Variants in IMMP2L observed in about 807,000 individuals in gnomAD.
IMMP2L encodes the protein inner mitochondrial membrane peptidase subunit 2.
IMMP2L carries 18 observed loss-of-function variants against 19.3 expected under a neutral mutation model. The ratio of observed to expected loss-of-function variants is 0.93; its 90% CI spans 0.64 to 1.38. The LOEUF (loss-of-function observed/expected upper bound fraction) is 1.38, where lower values mean the gene tolerates loss of function less well. IMMP2L is among the 40% of genes most tolerant of loss of function. IMMP2L has a pLI of 0.00. For synonymous variants in IMMP2L, 76 were observed against 73.0 expected (o/e 1.04, Z -0.21); for missense variants, 233 against 218.2 (o/e 1.07, Z -0.43).
chr7:111,434,524 T>C (rs560355530), intron 3 of IMMP2L, among the ~76,000 whole-genome samples: 5 of 151,600 alleles, frequency 3.3e-5, no homozygotes, highest in African/African-American at 7.3e-5. Flanking sequence ...TTTTGTTTTT[T>C]TGTCTTGTTT....
chr7:110,951,563 A>G lies in IMMP2L; in HGVS notation c.305+11937T>C, dbSNP rs1017656067. On this transcript the variant is annotated intron_variant, in intron 4 of 5. Transcript: ENST00000405709. ...GGTGTGTGTGTGTGTGTGTGTGTGT[A>G]TGTGTGTGTGTGTATACATATATAT... Among the ~76,000 whole-genome samples, 600 of 137,908 alleles carry G rather than the reference A, an allele frequency of 4.4e-3. 3 individuals are homozygous for G. Among genetic ancestry groups the G allele is most frequent in the African/African-American group, 0.015 (546 of 37,384 alleles). The allele number at this position is 137,908 out of a possible 152,430, so 90.5% of individuals were successfully genotyped here.
chr7:111,105,924 A>C (rs1407856257), intron 3 of IMMP2L, among the ~76,000 whole-genome samples: 1 of 151,942 alleles, frequency 6.6e-6, no homozygotes, highest in Non-Finnish European at 1.5e-5. Flanking sequence ...TCTACGCATG[A>C]CACTCCCAGG....
At chr7:111,226,306 A>G (rs1813092037) in intron 3 of IMMP2L, among the ~76,000 whole-genome samples, 1 of 151,926 alleles carries the variant, frequency 6.6e-6, no homozygotes, top group South Asian at 2.1e-4. Context: ...GCCATGTGCC[A>G]CCATGCCCAG....
intron 3 of IMMP2L, among the ~76,000 whole-genome samples, chr7:111,284,833 A>G (rs1020960718): frequency 6.6e-6 from 1 of 152,214 alleles, no homozygotes; most frequent in East Asian, 1.9e-4. Context: ...ATGGTGGACA[A>G]AAAGTTGCAA....
At chr7:111,520,889 G>C (rs191796734) in intron 2 of IMMP2L, among the ~76,000 whole-genome samples, 4 of 152,084 alleles carry the variant, frequency 2.6e-5, no homozygotes, top group Non-Finnish European at 4.4e-5. Context: ...GGGATCAATG[G>C]TCTAGACATT....
At chr7:110,864,957 C>T (rs534408233) in intron 5 of IMMP2L, among the ~76,000 whole-genome samples, 11 of 152,086 alleles carry the variant, frequency 7.2e-5, no homozygotes, top group African/African-American at 2.6e-4. Flanking sequence ...AGTGGCTATG[C>T]TCCATTCCAT....
chr7:111,396,626 C>T (rs1178155249), intron 3 of IMMP2L, among the ~76,000 whole-genome samples: 2 of 151,872 alleles, frequency 1.3e-5, no homozygotes, highest in African/African-American at 4.8e-5. Flanking sequence ...TTTAACAAAC[C>T]CGTACGTTTT....
intron 3 of IMMP2L, among the ~76,000 whole-genome samples, chr7:110,969,985 C>T (rs17158197): frequency 0.092 from 14,067 of 152,112 alleles, 967 homozygotes; most frequent in African/African-American, 0.19. Flanking sequence ...CTTTAAAGAA[C>T]TGAACTGTTG....
At chr7:110,712,248 G>A (rs1794923765) in intron 5 of IMMP2L, among the ~76,000 whole-genome samples, 1 of 124,898 alleles carries the variant, frequency 8.0e-6, no homozygotes, top group African/African-American at 3.0e-5. Flanking sequence ...CTCAGCTGCA[G>A]GTCTGTTGGA....
intron 2 of IMMP2L, among the ~76,000 whole-genome samples, chr7:111,500,303 C>G (rs1471422739): frequency 3.3e-5 from 5 of 152,190 alleles, no homozygotes; most frequent in Admixed American, 3.3e-4. Flanking sequence ...AACAAAGCAG[C>G]CCTGAAGCTC....
At chr7:110,820,272 T>C (rs1305999007) in intron 5 of IMMP2L, among the ~76,000 whole-genome samples, 3 of 152,116 alleles carry the variant, frequency 2.0e-5, no homozygotes, top group African/African-American at 7.2e-5. Context: ...TATCATTAAA[T>C]ATTCTGTGAT....
At chr7:111,450,368 G>C (rs1387752223) in intron 3 of IMMP2L, among the ~76,000 whole-genome samples, 1 of 151,924 alleles carries the variant, frequency 6.6e-6, no homozygotes, top group Non-Finnish European at 1.5e-5. Context: ...CAGAGATATA[G>C]ATCAATGGAA....
At chr7:110,898,539 C>T (rs1436488903) in intron 4 of IMMP2L, among the ~76,000 whole-genome samples, 1 of 152,066 alleles carries the variant, frequency 6.6e-6, no homozygotes, top group Admixed American at 6.6e-5. Context: ...ACTTAGAAGT[C>T]TAAAAAGTTT....
chr7:111,372,915 T>G (rs555576461), intron 3 of IMMP2L, among the ~76,000 whole-genome samples: 2 of 152,024 alleles, frequency 1.3e-5, no homozygotes, highest in African/African-American at 2.4e-5. Flanking sequence ...AGTCTACACA[T>G]TGAAGATGAA....
chr7:110,736,167 C>T (rs890069661), intron 5 of IMMP2L, among the ~76,000 whole-genome samples: 2 of 152,100 alleles, frequency 1.3e-5, no homozygotes, highest in Non-Finnish European at 1.5e-5. Context: ...ATGCAGAGTA[C>T]AAGAGCTATG....
chr7:111,207,011 A>C (rs1416841803), intron 3 of IMMP2L, among the ~76,000 whole-genome samples: 1 of 152,218 alleles, frequency 6.6e-6, no homozygotes, highest in Non-Finnish European at 1.5e-5. Flanking sequence ...TTTACAAAAA[A>C]CATTTTTAAG....
At chr7:111,108,050 ATTG>A (rs373206894) in intron 3 of IMMP2L, among the ~76,000 whole-genome samples, 2 of 151,938 alleles carry the variant, frequency 1.3e-5, no homozygotes, top group East Asian at 1.9e-4. Flanking sequence ...TTTTGTTTTT[ATTG>A]TTGTTGTTGT....
chr7:111,198,139 A>C (rs1809701508), intron 3 of IMMP2L, among the ~76,000 whole-genome samples: 1 of 152,160 alleles, frequency 6.6e-6, no homozygotes, highest in South Asian at 2.1e-4. Flanking sequence ...AGGACACAAG[A>C]ATGCAATTAC....
At chr7:111,388,467 G>T (rs1832005705) in intron 3 of IMMP2L, among the ~76,000 whole-genome samples, 1 of 152,000 alleles carries the variant, frequency 6.6e-6, no homozygotes, top group East Asian at 1.9e-4. Flanking sequence ...TCAATAGATA[G>T]ATAGATGGAG....
Sources: gnomAD v4.1 joint callset for allele counts (sites outside exome capture counted in the v4.1 genomes callset) on GRCh38, gnomAD v4.1.1 for gene constraint, MANE v1.5 for transcripts, NCBI Gene and HGNC (gene_info 2026-07-23, HGNC 2026-07-21) for gene names.